Variants in CWC27 observed in about 807,000 individuals in gnomAD.
CWC27 encodes the protein CWC27 spliceosome associated cyclophilin.
In CWC27, 47 loss-of-function variants were observed where a neutral mutation model predicts 63.6. The ratio of observed to expected loss-of-function variants is 0.74; its 90% CI spans 0.58 to 0.94. The LOEUF (loss-of-function observed/expected upper bound fraction) is 0.94. Among genes scored for constraint, CWC27 ranks in the 40% least tolerant of loss-of-function variants. The pLI is 0.00. For missense variants in CWC27, 495 were observed against 554.3 expected, an observed-to-expected ratio of 0.89 and a Z score of 1.07; for synonymous variants, 175 against 179.8, an observed-to-expected ratio of 0.97 and a Z score of 0.22.
intron 10 of CWC27, among the ~76,000 whole-genome samples, chr5:64,844,216 T>A (rs1370016519): frequency 5.9e-5 from 9 of 152,294 alleles, no homozygotes; most frequent in African/African-American, 2.2e-4. Context: ...GATATGCTTC[T>A]TATGAAACCC....
chr5:64,927,965 G>T (rs150375559), intron 11 of CWC27, among the ~76,000 whole-genome samples: 5,522 of 152,154 alleles, frequency 0.036, 354 homozygotes, highest in African/African-American at 0.13. Context: ...GACCAGCCTG[G>T]ACAACATGGT....
chr5:65,004,434 A>T (rs1192341869), intron 13 of CWC27, among the ~76,000 whole-genome samples: 5 of 129,472 alleles, frequency 3.9e-5, no homozygotes, highest in African/African-American at 1.5e-4. Context: ...TTCAAAAGCC[A>T]TGTTTTCAAA....
intron 11 of CWC27, among the ~76,000 whole-genome samples, chr5:64,910,260 G>A (rs1747756323): frequency 6.6e-6 from 1 of 152,218 alleles, no homozygotes; most frequent in African/African-American, 2.4e-5. Context: ...ACCAGCGGAG[G>A]CTGCAGAACA....
At chr5:64,974,975 A>T (rs566095965) in intron 12 of CWC27, among the ~76,000 whole-genome samples, 1 of 152,248 alleles carries the variant, frequency 6.6e-6, no homozygotes, top group Non-Finnish European at 1.5e-5. Context: ...TATAACCTCT[A>T]CTCTAAAAAC....
intron 7 of CWC27, among the ~76,000 whole-genome samples, chr5:64,790,638 G>A (rs771480168): frequency 6.6e-6 from 1 of 151,842 alleles, no homozygotes; most frequent in Non-Finnish European, 1.5e-5. Flanking sequence ...TAAGATTTAG[G>A]TCTACTATCA....
At chr5:64,912,007 G>T (rs1307805496) in intron 11 of CWC27, among the ~76,000 whole-genome samples, 1 of 147,758 alleles carries the variant, frequency 6.8e-6, no homozygotes, top group African/African-American at 2.5e-5. Flanking sequence ...CCAGGAGGCA[G>T]ATCTTGCAGT....
intron 10 of CWC27, among the ~76,000 whole-genome samples, chr5:64,809,521 C>A (rs1485194143): frequency 6.6e-6 from 1 of 152,156 alleles, no homozygotes; most frequent in African/African-American, 2.4e-5. Context: ...GAGCGTGCCA[C>A]CACGCCAGGC....
chr5:64,896,683 A>C (rs1251120822), intron 11 of CWC27, among the ~76,000 whole-genome samples: 2 of 152,010 alleles, frequency 1.3e-5, no homozygotes, highest in Non-Finnish European at 2.9e-5. Context: ...TAGGAAAAAA[A>C]AAAATCAACC....
chr5:64,973,719 T>C (rs958603966), intron 12 of CWC27, among the ~76,000 whole-genome samples: 3 of 152,200 alleles, frequency 2.0e-5, no homozygotes, highest in Non-Finnish European at 2.9e-5. Flanking sequence ...GAGGATGTTT[T>C]TTGTTTGCCA....
chr5:64,886,901 T>G (rs1050381293), intron 11 of CWC27, among the ~76,000 whole-genome samples: 1 of 152,108 alleles, frequency 6.6e-6, no homozygotes, highest in Non-Finnish European at 1.5e-5. Flanking sequence ...TTAGCATTAA[T>G]GAGATTTGAA....
intron 11 of CWC27, among the ~76,000 whole-genome samples, chr5:64,948,715 A>G (rs1748643560): frequency 6.6e-6 from 1 of 152,046 alleles, no homozygotes; most frequent in African/African-American, 2.4e-5. Flanking sequence ...GTTAACAGGC[A>G]GCATTTGTGT....
intron 11 of CWC27, among the ~76,000 whole-genome samples, chr5:64,905,470 G>A (rs375992431): frequency 1.2e-4 from 19 of 152,164 alleles, no homozygotes; most frequent in African/African-American, 3.4e-4. Flanking sequence ...GGGAGAAAGC[G>A]TCTGAACTTC....
Position 64,840,821 on chromosome 5 carries a change from A to G in CWC27, c.938+36435A>G, listed in dbSNP as rs79174390. On this transcript the variant is annotated intron_variant, in intron 10 of 13. Transcript: ENST00000381070. ...GAAATCAGTTTTGAGGCCGGATCAT[A>G]AGGGGCTAATCAAGGCATTGGGAAT... Among the ~76,000 whole-genome samples the G allele has an allele frequency of 6.2e-3, 943 of 152,256 alleles. 6 individuals are homozygous for G. The highest frequency in any genetic ancestry group is 0.021 in the African/African-American group (882 of 41,530).
intron 13 of CWC27, among the ~76,000 whole-genome samples, chr5:64,993,029 C>T (rs1749565703): frequency 6.6e-6 from 1 of 152,176 alleles, no homozygotes; most frequent in Non-Finnish European, 1.5e-5. Context: ...AATCCCTGCT[C>T]AGTGACCTAA....
intron 10 of CWC27, among the ~76,000 whole-genome samples, chr5:64,850,534 G>C (rs977485788): frequency 6.6e-6 from 1 of 152,080 alleles, no homozygotes; most frequent in Non-Finnish European, 1.5e-5. Flanking sequence ...GATTTGACAA[G>C]AGGTAACAAA....
intron 10 of CWC27, among the ~76,000 whole-genome samples, chr5:64,830,597 GCTT>G (rs1322725216): frequency 1.3e-5 from 2 of 152,092 alleles, no homozygotes; most frequent in African/African-American, 2.4e-5. Flanking sequence ...AAACTAAAGA[GCTT>G]CTGCACAGCA....
rs181639415 is a variant in CWC27 at position 64,830,567 on chromosome 5, T to C, written c.938+26181T>C. On this transcript the variant is annotated intron_variant, in intron 10 of 13. Transcript: ENST00000381070. ...AAAGCAATGGCAACAAAAGCCAAAA[T>C]TGACAAATGGGATCTAATTAAACTA... Among the ~76,000 whole-genome samples the C allele has an allele frequency of 2.3e-3, 344 of 152,150 alleles. 1 individual carries two copies. Among genetic ancestry groups the C allele is most frequent in the African/African-American group, 7.9e-3 (327 of 41,502 alleles).
chr5:64,981,847 C>G (rs1345066327), intron 13 of CWC27, among the ~76,000 whole-genome samples: 1 of 152,142 alleles, frequency 6.6e-6, no homozygotes, highest in African/African-American at 2.4e-5. Flanking sequence ...TTCTTAGGAG[C>G]CTTATCTCCA....
chr5:65,003,617 T>A (rs1749772971), intron 13 of CWC27, among the ~76,000 whole-genome samples: 1 of 152,210 alleles, frequency 6.6e-6, no homozygotes, highest in Non-Finnish European at 1.5e-5. Flanking sequence ...TTTTTGTTTG[T>A]CTGGAAAAGA....
Sources: allele counts gnomAD v4.1 joint callset (sites outside exome capture counted in the v4.1 genomes callset), GRCh38; gene constraint gnomAD v4.1.1; transcripts MANE v1.5; gene names NCBI Gene and HGNC (gene_info 2026-07-23, HGNC 2026-07-21).